The following PRKCA variants were observed in gnomAD, a reference collection of about 807,000 sequenced individuals.
PRKCA encodes protein kinase C alpha, also known as protein kinase C alpha type.
A neutral mutation model predicts 87.0 loss-of-function variants in PRKCA; 27 were observed. That is an observed-to-expected ratio of 0.31 (90% CI 0.23 to 0.43). The LOEUF (loss-of-function observed/expected upper bound fraction) is 0.43. Among genes scored for constraint, PRKCA ranks in the 20% least tolerant of loss-of-function variants. PRKCA has a pLI of 1.00. For missense variants in PRKCA, 518 were observed against 852.3 expected (o/e 0.61, Z 4.88); for synonymous variants, 329 against 311.1 (o/e 1.06, Z -0.61).
chr17:66,517,363 CCCT>C (rs1293932942), intron 3 of PRKCA, among the ~76,000 whole-genome samples: 1 of 152,098 alleles, frequency 6.6e-6, no homozygotes, highest in Non-Finnish European at 1.5e-5. Context: ...TCCTTTCTTC[CCCT>C]CCTCGCCCCC....
At position 66,532,307 on chromosome 17, in the gene PRKCA, C is replaced by T. The variant is rs567939101; in HGVS notation, c.288+36024C>T. Among the ~76,000 whole-genome samples, 3 of 145,566 alleles carry T rather than the reference C, an allele frequency of 2.1e-5. No homozygotes were observed. The South Asian group carries it at 7.2e-4, about 35-fold the overall frequency. ...TTGTTTCCTGCCCCCTCCCCCCCCACCCCCACCCACTGACTTGTAGTTTTT... is the reference window on the plus strand; with the variant it reads ...TTGTTTCCTGCCCCCTCCCCCCCCATCCCCACCCACTGACTTGTAGTTTTT... On this transcript the variant is annotated intron_variant, in intron 3 of 16. Transcript: ENST00000413366.
At chr17:66,783,370 C>G (rs368787327) in intron 14 of PRKCA, among the ~76,000 whole-genome samples, 4 of 152,048 alleles carry the variant, frequency 2.6e-5, no homozygotes, top group African/African-American at 9.7e-5. Context: ...AAACTTGGAC[C>G]CAGGAAGATG....
chr17:66,736,742 A>G (rs868787607), intron 10 of PRKCA, among the ~76,000 whole-genome samples: 7 of 152,342 alleles, frequency 4.6e-5, no homozygotes, highest in Non-Finnish European at 1.0e-4. Context: ...AAAGGTCACA[A>G]CAAGGAAATC....
At chr17:66,340,380 C>T (rs58681564) in intron 2 of PRKCA, among the ~76,000 whole-genome samples, 14,877 of 127,328 alleles carry the variant, frequency 0.12, 1,030 homozygotes, top group African/African-American at 0.2. Flanking sequence ...TTTTTTTTTT[C>T]TTTTTTTTTT....
intron 3 of PRKCA, among the ~76,000 whole-genome samples, chr17:66,520,017 G>T (rs1438977523): frequency 6.6e-6 from 1 of 152,110 alleles, no homozygotes; most frequent in Admixed American, 6.5e-5. Context: ...TGGAAGGCCA[G>T]GATAACTGGT....
intron 2 of PRKCA, among the ~76,000 whole-genome samples, chr17:66,307,882 T>C (rs544898860): frequency 6.6e-6 from 1 of 152,332 alleles, no homozygotes; most frequent in East Asian, 1.9e-4. Flanking sequence ...AGATAACTTC[T>C]GTTTGAGACA....
In PRKCA at chr17:66,786,943, T is replaced by C; in HGVS notation, c.1682T>C (p.Leu561Ser). ...CACAACGTTTCCTATCCAAAATCCT[T>C]GTCCAAGGAGGCTGTTTCTGTCTGC... The part of the protein sequence containing the change: ...MEHNVSYPKS[L>S]SKEAVSVCKG... The change falls in exon 15 of 17, where the codon TTG (leucine) becomes TCG (serine). Residue 561 changes from leucine to serine, a missense_variant. Leu to Ser is a moderately radical substitution (Grantham distance 145, BLOSUM62 -2). Coordinates refer to ENST00000413366, the MANE Select transcript of PRKCA (RefSeq NM_002737.3). 6.2e-7 allele frequency: 1 copy of C among 1,613,938 alleles called. No individual in the cohort carries two copies.
At chr17:66,404,084 A>G (rs1009950195) in intron 2 of PRKCA, 7 of 152,346 alleles carry the variant, frequency 4.6e-5, no homozygotes, top group Admixed American at 1.3e-4. Context: ...GCTGTTCTGC[A>G]GACAAGCACC....
intron 3 of PRKCA, among the ~76,000 whole-genome samples, chr17:66,523,796 G>A (rs1426821582): frequency 6.6e-6 from 1 of 152,152 alleles, no homozygotes; most frequent in Non-Finnish European, 1.5e-5. Context: ...GGTGCCTGGT[G>A]GACATGAAGA....
chr17:66,374,928 T>C (rs932947253), intron 2 of PRKCA, among the ~76,000 whole-genome samples: 3 of 151,962 alleles, frequency 2.0e-5, no homozygotes, highest in Non-Finnish European at 4.4e-5. Flanking sequence ...AGATGGGATT[T>C]CACCATGCTG....
At chr17:66,517,234 A>G (rs1211505830) in intron 3 of PRKCA, among the ~76,000 whole-genome samples, 1 of 152,168 alleles carries the variant, frequency 6.6e-6, no homozygotes, top group Non-Finnish European at 1.5e-5. Flanking sequence ...CAGTGAGCTG[A>G]GATTGGGCCA....
intron 16 of PRKCA, among the ~76,000 whole-genome samples, chr17:66,794,060 T>C (rs1975607485): frequency 6.6e-6 from 1 of 152,230 alleles, no homozygotes. Context: ...GCAGAATAGC[T>C]AGTTCATAGG....
intron 8 of PRKCA, among the ~76,000 whole-genome samples, chr17:66,699,446 T>C (rs543383075): frequency 2.5e-4 from 38 of 152,302 alleles, no homozygotes; most frequent in African/African-American, 8.4e-4. Context: ...AATAAATTTC[T>C]AGAAACATAC....
In PRKCA at chr17:66,804,934, T is replaced by C. The variant is rs527791029; in HGVS notation, c.*897T>C. 110 of 945,602 alleles carry C rather than the reference T, an allele frequency of 1.2e-4. No homozygotes were observed. In the African/African-American group the frequency reaches 1.7e-3, roughly 14 times the overall value. 58.6% of individuals were successfully genotyped at this position (945,602 alleles called of 1,614,324 possible). Reference sequence around the variant, plus strand: ...ACCCACCCCCACACACACCAACATTTTGCTGCCTACCTTGTTATCCTTCTC... The same window carrying C: ...ACCCACCCCCACACACACCAACATTCTGCTGCCTACCTTGTTATCCTTCTC... On this transcript the variant is annotated 3_prime_UTR_variant, in exon 17 of 17. Coordinates refer to ENST00000413366, the MANE Select transcript of PRKCA (RefSeq NM_002737.3).
chr17:66,550,647 T>A (rs1006274774), intron 3 of PRKCA, among the ~76,000 whole-genome samples: 3 of 151,940 alleles, frequency 2.0e-5, no homozygotes, highest in Non-Finnish European at 2.9e-5. Flanking sequence ...AGACTCTGTC[T>A]CAAAATCAAT....
intron 3 of PRKCA, among the ~76,000 whole-genome samples, chr17:66,553,972 G>A (rs752406271): frequency 7.2e-5 from 11 of 152,202 alleles, no homozygotes; most frequent in Admixed American, 2.0e-4. Context: ...GACAGCTAAA[G>A]TGGTTCAGAG....
At chr17:66,517,636 G>A (rs970887917) in intron 3 of PRKCA, among the ~76,000 whole-genome samples, 2 of 152,152 alleles carry the variant, frequency 1.3e-5, no homozygotes, top group African/African-American at 4.8e-5. Context: ...CAGAATTTCT[G>A]TTCTAACTTT....
intron 3 of PRKCA, among the ~76,000 whole-genome samples, chr17:66,525,436 A>G (rs1430619051): frequency 1.3e-5 from 2 of 152,206 alleles, no homozygotes; most frequent in Non-Finnish European, 2.9e-5. Flanking sequence ...TGCCTTTCAC[A>G]TTTTGGACCA....
intron 3 of PRKCA, among the ~76,000 whole-genome samples, chr17:66,541,868 C>T (rs1967999416): frequency 6.6e-6 from 1 of 152,334 alleles, no homozygotes; most frequent in East Asian, 1.9e-4. Flanking sequence ...TCTCAGTTAT[C>T]ACTTAAATGT....
Sources: allele counts gnomAD v4.1 joint callset (sites outside exome capture counted in the v4.1 genomes callset), GRCh38; gene constraint gnomAD v4.1.1; transcripts MANE v1.5; gene names NCBI Gene and HGNC (gene_info 2026-07-23, HGNC 2026-07-21).